Variants in POMT2 observed in about 807,000 individuals in gnomAD.
The protein encoded by POMT2 is protein O-mannosyltransferase 2.
In POMT2, 75 loss-of-function variants were observed where a neutral mutation model predicts 100.0. The observed-to-expected ratio is 0.75, with a 90% CI of 0.62 to 0.91. POMT2 has a LOEUF of 0.91. Among genes scored for constraint, POMT2 ranks in the 40% least tolerant of loss-of-function variants. The pLI, the probability that POMT2 is intolerant of heterozygous loss-of-function variation, is 0.00. For missense variants in POMT2, 940 were observed against 955.1 expected (o/e 0.98, Z 0.21); for synonymous variants, 378 against 374.1 (o/e 1.01, Z -0.12).
At position 77,296,240 on chromosome 14, in the gene POMT2, T is replaced by C. The variant is rs371158744; in HGVS notation, c.1040A>G (p.Asn347Ser). Residue 347 changes from asparagine to serine, a missense_variant, in exon 9 of 21, where the codon AAC (asparagine) becomes AGC (serine). Coordinates refer to ENST00000261534, the MANE Select transcript of POMT2 (RefSeq NM_013382.7). The stretch of plus-strand genomic sequence containing the variant: ...CAGATAGCCGATGGCCATCCGGAGG[T>C]TCTTCACAGTGATCACAGAGCCGTA... The part of the protein sequence containing the change: ...LAYGSVITVK[N>S]LRMAIGYLHS... 1.2e-6 allele frequency: 2 copies of C among 1,607,024 alleles called. No individual in the cohort carries two copies. The highest frequency in any genetic ancestry group is 2.7e-5 in the African/African-American group (2 of 74,642).
At chr14:77,287,718 A>T (rs191633539) in intron 11 of POMT2, 2 of 152,188 alleles carry the variant, frequency 1.3e-5, no homozygotes, top group African/African-American at 4.8e-5. Flanking sequence ...TTGGGTGTGT[A>T]CTATTGTCAC....
intron 2 of POMT2, 150 bp downstream of exon 2, chr14:77,311,799 C>A: frequency 1.5e-6 from 2 of 1,321,474 alleles, no homozygotes; most frequent in Non-Finnish European, 2.0e-6. Flanking sequence ...AGAGATTTTC[C>A]ATGAAAGTAG....
chr14:77,309,500 C>T (rs1026899450), intron 2 of POMT2, among the ~76,000 whole-genome samples: 1 of 152,052 alleles, frequency 6.6e-6, no homozygotes, highest in South Asian at 2.1e-4. Flanking sequence ...CACCCTCTCA[C>T]AGGTTTCCAG....
At chr14:77,295,371 G>A (rs922550142) in intron 9 of POMT2, among the ~76,000 whole-genome samples, 8 of 152,198 alleles carry the variant, frequency 5.3e-5, no homozygotes, top group African/African-American at 1.9e-4. Context: ...GGTGGCTCAT[G>A]CCTGTAATCC....
rs776253752 is a variant in POMT2, at chr14:77,285,571, T to C, written c.1394A>G (p.Asn465Ser). The C allele has an allele frequency of 2.5e-6, 4 of 1,613,808 alleles. No individual in the cohort carries two copies. The highest frequency in any genetic ancestry group is 1.3e-5 in the African/African-American group (1 of 74,888). ...TCGACTTCTCAGCACTTTGATCCGG[T>C]TTCCAAATTTCCTGTTTACGACCTC... is the stretch of plus-strand genomic sequence containing the variant. ...RIEVVNRKFG[N>S]RIKVLRSRIR... Residue 465 changes from asparagine (N) to serine (S), a missense_variant, in exon 13 of 21, where the codon AAC becomes AGC. Physicochemically the swap from Asn to Ser is conservative, Grantham distance 46. Coordinates refer to ENST00000261534, the MANE Select transcript of POMT2 (RefSeq NM_013382.7).
chr14:77,280,278 T>C lies in POMT2; in HGVS notation c.1725+114A>G, dbSNP rs1410134683. On this transcript the variant is annotated intron_variant, in intron 16 of 20. Transcript: ENST00000261534. ...GATACTCCCACCTCTGGCCAACCCA[T>C]CCCAGGAGGCCCCTCGCCCTGCCGC... 2.7e-5 allele frequency: 42 copies of C among 1,567,970 alleles called. No homozygotes were observed. The Middle Eastern group carries it at 1.1e-3, about 40-fold the overall frequency.
intron 6 of POMT2, chr14:77,299,785 T>C (rs528279381): frequency 4.8e-5 from 24 of 494,908 alleles, no homozygotes; most frequent in African/African-American, 3.7e-4. Flanking sequence ...CTCTCCAGGC[T>C]CTACACCCAA....
At chr14:77,288,628 C>T in intron 11 of POMT2, 134 bp downstream of exon 11, 1 of 752,130 alleles carries the variant, frequency 1.3e-6, no homozygotes, top group Non-Finnish European at 2.3e-6. Context: ...TAAAATGCTT[C>T]TCCCATTCTC....
intron 11 of POMT2, chr14:77,287,415 T>C (rs1412391284): frequency 3.9e-5 from 6 of 152,018 alleles, no homozygotes; most frequent in African/African-American, 1.4e-4. Flanking sequence ...TAAATTTTTA[T>C]TAATGACAAA....
Position 77,298,428 on chromosome 14 carries a change from G to A in POMT2, c.1006+261C>T, listed in dbSNP as rs2287388. ...CTGGTGCTGTCACCATATTCTCTCTGAGTGACCTTCCCACAGAGCTGGCTT... is the reference window on the plus strand; with the variant it reads ...CTGGTGCTGTCACCATATTCTCTCTAAGTGACCTTCCCACAGAGCTGGCTT... On this transcript the variant is annotated intron_variant, in intron 8 of 20. Coordinates refer to ENST00000261534, the MANE Select transcript of POMT2 (RefSeq NM_013382.7). Among the ~76,000 whole-genome samples, 35,918 of 152,060 alleles carry A rather than the reference G, an allele frequency of 0.24. 4,539 individuals are homozygous for A. Among genetic ancestry groups the A allele is most frequent in the East Asian group, 0.47 (2,444 of 5,150 alleles).
chr14:77,296,580 T>C (rs1890840232), intron 8 of POMT2: 2 of 382,312 alleles, frequency 5.2e-6, no homozygotes, highest in South Asian at 2.8e-5. Flanking sequence ...GGTCTCCACA[T>C]GGATTCAATG....
intron 15 of POMT2, among the ~76,000 whole-genome samples, chr14:77,283,481 T>C (rs1186588159): frequency 1.3e-5 from 2 of 152,234 alleles, no homozygotes; most frequent in East Asian, 1.9e-4. Flanking sequence ...CCTCTTTGTA[T>C]GTCAGTTCCC....
intron 9 of POMT2, chr14:77,291,637 T>A: frequency 3.3e-6 from 2 of 602,302 alleles, no homozygotes; most frequent in South Asian, 2.1e-5. Context: ...TCTTTCTGCA[T>A]CTTGTCCTAA....
At chr14:77,314,057 A>G (rs1474113669) in intron 1 of POMT2, among the ~76,000 whole-genome samples, 2 of 152,166 alleles carry the variant, frequency 1.3e-5, no homozygotes, top group Non-Finnish European at 2.9e-5. Context: ...AACCAGTTGT[A>G]ACATTCATAT....
intron 15 of POMT2, among the ~76,000 whole-genome samples, chr14:77,280,701 G>A (rs113023975): frequency 1.9e-5 from 1 of 52,592 alleles, no homozygotes; most frequent in South Asian, 6.0e-4. Context: ...TAGGGAAAAA[G>A]AAGGGAAAGA....
intron 10 of POMT2, among the ~76,000 whole-genome samples, chr14:77,289,877 C>G (rs1890577198): frequency 6.6e-6 from 1 of 152,108 alleles, no homozygotes; most frequent in Non-Finnish European, 1.5e-5. Flanking sequence ...ATTTCTGTCC[C>G]AAACAGTGAG....
intron 2 of POMT2, among the ~76,000 whole-genome samples, chr14:77,310,680 C>T (rs190299950): frequency 2.6e-4 from 40 of 152,270 alleles, no homozygotes; most frequent in Admixed American, 1.5e-3. Flanking sequence ...CTGCTCCTGC[C>T]TTTATCCCCC....
At position 77,298,770 on chromosome 14, in the gene POMT2, C is replaced by T. The variant is rs376046816; in HGVS notation, c.925G>A (p.Gly309Ser). 2.7e-5 allele frequency: 43 copies of T among 1,612,110 alleles called. No homozygotes were observed. Among genetic ancestry groups the T allele is most frequent in the Non-Finnish European group, 3.6e-5 (43 of 1,179,140 alleles). Residue 309 changes from glycine to serine, a missense_variant and splice_region_variant, in exon 8 of 21, where the codon GGC (glycine) becomes AGC (serine). Gly to Ser is a moderately conservative substitution (Grantham distance 56, BLOSUM62 0). Coordinates refer to ENST00000261534, the MANE Select transcript of POMT2 (RefSeq NM_013382.7). ...GAACTGAAGAAACCGTCACCAGGGCCACTGTGGGGAGAGGAAGAGCAGAAG... is the reference window on the plus strand; with the variant it reads ...GAACTGAAGAAACCGTCACCAGGGCTACTGTGGGGAGAGGAAGAGCAGAAG... ...AVHFMVLSKS[G>S]PGDGFFSSAF...
intron 3 of POMT2, 94 bp from the exon 4 acceptor site, chr14:77,304,894 C>CTGA: frequency 6.5e-7 from 1 of 1,533,218 alleles, no homozygotes; most frequent in Non-Finnish European, 8.8e-7. Flanking sequence ...GACAGGGGAC[C>CTGA]TGATGAAGGC....
Sources: gnomAD v4.1 joint callset for allele counts (sites outside exome capture counted in the v4.1 genomes callset) on GRCh38, gnomAD v4.1.1 for gene constraint, MANE v1.5 for transcripts, NCBI Gene and HGNC (gene_info 2026-07-23, HGNC 2026-07-21) for gene names.